The following CTNND2 variants were observed in gnomAD, a reference collection of about 807,000 sequenced individuals.
CTNND2 encodes catenin delta 2.
Under a neutral mutation model 144.4 loss-of-function variants are expected in CTNND2, and 22 were observed. That is an observed-to-expected ratio of 0.15 (90% CI 0.11 to 0.22). The LOEUF is 0.22. Ranked by LOEUF, CTNND2 falls within the 10% of genes least tolerant of loss-of-function variation. The probability of loss-of-function intolerance (pLI) is 1.00; values close to 1 mark genes in which losing one functional copy is unlikely to be tolerated. For missense variants in CTNND2, 1,353 were observed against 1,618.8 expected, an observed-to-expected ratio of 0.84 and a Z score of 2.82; for synonymous variants, 751 against 695.6, an observed-to-expected ratio of 1.08 and a Z score of -1.25.
Position 11,653,808 on chromosome 5 carries a change from T to C in CTNND2, c.174+78328A>G, listed in dbSNP as rs1212562784. Among the ~76,000 whole-genome samples, 2 of 151,936 alleles carry C rather than the reference T, an allele frequency of 1.3e-5. 1 individual carries two copies. The highest frequency in any genetic ancestry group is 4.8e-5 in the African/African-American group (2 of 41,412). ...TGATTTGGGAGTCATATTCACAAAA[T>C]CACTGCCAAGATCAATGTTAAGGAG... On this transcript the variant is annotated intron_variant, in intron 2 of 21. Transcript: ENST00000304623.
At chr5:11,489,602 G>C (rs997798739) in intron 3 of CTNND2, among the ~76,000 whole-genome samples, 1 of 152,156 alleles carries the variant, frequency 6.6e-6, no homozygotes, top group Admixed American at 6.5e-5. Context: ...AGCAGAATGG[G>C]TTGGGAGATG....
At chr5:11,346,674 A>G in intron 8 of CTNND2, 47 bp from the exon 9 acceptor site, 1 of 1,418,950 alleles carries the variant, frequency 7.0e-7, no homozygotes, top group South Asian at 1.6e-5. Context: ...GGACCTGCTC[A>G]CAGAAATGGT....
In CTNND2 at chr5:11,182,008, G is replaced by A. The variant is rs567069521; in HGVS notation, c.1975+17440C>T. 6.7e-4 allele frequency among the ~76,000 whole-genome samples: 61 copies of A among 90,554 alleles called. 1 individual carries two copies. Among genetic ancestry groups the A allele is most frequent in the Non-Finnish European group, 4.3e-5 (2 of 46,098 alleles). 59.4% of individuals were successfully genotyped at this position (90,554 alleles called of 152,430 possible). On this transcript the variant is annotated intron_variant, in intron 11 of 21. Transcript: ENST00000304623. ...GTGTGTAGTATGTGTGTGGTGTGTGGGTGTGTGTGGCGTGTGTGATGTATG... is the reference window on the plus strand; with the variant it reads ...GTGTGTAGTATGTGTGTGGTGTGTGAGTGTGTGTGGCGTGTGTGATGTATG...
rs1765059473 is a variant in CTNND2 at position 11,448,760 on chromosome 5, C to T, written c.288-36691G>A. On this transcript the variant is annotated intron_variant, in intron 3 of 21. Transcript: ENST00000304623. Reference sequence around the variant, plus strand: ...CTCAGCTCACTGCAACCTCTGACTCCTGGGATCAAGTGATCCTTCCACCTC... The same window carrying T: ...CTCAGCTCACTGCAACCTCTGACTCTTGGGATCAAGTGATCCTTCCACCTC... 1.3e-5 allele frequency among the ~76,000 whole-genome samples: 2 copies of T among 152,136 alleles called. 1 individual carries two copies. The highest frequency in any genetic ancestry group is 4.1e-4 in the South Asian group (2 of 4,826).
At chr5:11,719,489 T>C (rs1320068338) in intron 2 of CTNND2, among the ~76,000 whole-genome samples, 7 of 152,202 alleles carry the variant, frequency 4.6e-5, no homozygotes, top group Admixed American at 3.3e-4. Flanking sequence ...TCTGTTGTTA[T>C]AGATACTACA....
At chr5:11,511,160 T>A (rs2150025336) in intron 3 of CTNND2, among the ~76,000 whole-genome samples, 1 of 152,360 alleles carries the variant, frequency 6.6e-6, no homozygotes, top group South Asian at 2.1e-4. Flanking sequence ...TTTCAAGGAA[T>A]CATTACTCTC....
intron 2 of CTNND2, among the ~76,000 whole-genome samples, chr5:11,662,850 G>A (rs952322057): frequency 3.3e-5 from 5 of 152,048 alleles, no homozygotes; most frequent in Non-Finnish European, 5.9e-5. Context: ...ACTGTCTTCC[G>A]CAAAACTGGG....
intron 3 of CTNND2, among the ~76,000 whole-genome samples, chr5:11,448,218 G>A (rs561471358): frequency 6.6e-6 from 1 of 152,302 alleles, no homozygotes; most frequent in Admixed American, 6.5e-5. Context: ...ATGAGAATGT[G>A]TAACTTTGGT....
At chr5:11,610,983 C>T (rs1206414407) in intron 2 of CTNND2, among the ~76,000 whole-genome samples, 1 of 152,130 alleles carries the variant, frequency 6.6e-6, no homozygotes, top group East Asian at 1.9e-4. Flanking sequence ...TATGGTTTGG[C>T]TGTGTCCCCA....
chr5:11,346,688 C>A (rs190776891), intron 8 of CTNND2, 61 bp from the exon 9 acceptor site: 4 of 1,403,076 alleles, frequency 2.9e-6, no homozygotes, highest in East Asian at 5.3e-5. Context: ...AAATGGTTAA[C>A]CAGGTCTAGG....
intron 2 of CTNND2, among the ~76,000 whole-genome samples, chr5:11,648,761 C>A (rs1040093152): frequency 6.6e-6 from 1 of 152,126 alleles, no homozygotes; most frequent in African/African-American, 2.4e-5. Flanking sequence ...CCAATTCCAC[C>A]ATGACACTCA....
chr5:11,332,631 A>C (rs1266593070), intron 9 of CTNND2, among the ~76,000 whole-genome samples: 2 of 152,064 alleles, frequency 1.3e-5, no homozygotes, highest in Non-Finnish European at 2.9e-5. Context: ...CCCATTACAC[A>C]CTTCTCATTT....
At chr5:11,750,365 T>C (rs1307607608) in intron 1 of CTNND2, among the ~76,000 whole-genome samples, 1 of 151,916 alleles carries the variant, frequency 6.6e-6, no homozygotes, top group African/African-American at 2.4e-5. Context: ...AGAGTAACTA[T>C]GTGGAAGAGG....
intron 1 of CTNND2, among the ~76,000 whole-genome samples, chr5:11,816,324 C>G (rs75523648): frequency 0.011 from 1,641 of 152,080 alleles, 38 homozygotes; most frequent in African/African-American, 0.037. Flanking sequence ...GATCCTGTCC[C>G]CAAGGGCTAC....
At chr5:11,291,599 A>C (rs1213065733) in intron 9 of CTNND2, among the ~76,000 whole-genome samples, 1 of 152,136 alleles carries the variant, frequency 6.6e-6, no homozygotes, top group Non-Finnish European at 1.5e-5. Context: ...AACTAAACTT[A>C]AAGAAAAGAA....
chr5:11,465,269 T>C (rs2149942449), intron 3 of CTNND2, among the ~76,000 whole-genome samples: 1 of 152,204 alleles, frequency 6.6e-6, no homozygotes, highest in African/African-American at 2.4e-5. Flanking sequence ...TCCAGAGTTT[T>C]CCTTGAAATA....
intron 1 of CTNND2, among the ~76,000 whole-genome samples, chr5:11,763,790 A>C (rs901604551): frequency 1.3e-5 from 2 of 152,104 alleles, no homozygotes; most frequent in African/African-American, 4.8e-5. Flanking sequence ...GTTTTGGTTG[A>C]TCAGTAGCTG....
At chr5:11,714,636 G>A (rs1786245426) in intron 2 of CTNND2, among the ~76,000 whole-genome samples, 1 of 152,096 alleles carries the variant, frequency 6.6e-6, no homozygotes, top group African/African-American at 2.4e-5. Flanking sequence ...GCCTGGCGCA[G>A]TGGTTCACAC....
intron 2 of CTNND2, among the ~76,000 whole-genome samples, chr5:11,684,699 C>CT (rs571548304): frequency 1.9e-4 from 29 of 152,244 alleles, no homozygotes; most frequent in Middle Eastern, 3.4e-3. Context: ...TGCTGTAGTG[C>CT]TTTTTTACTA....
Sources: gnomAD v4.1 joint callset for allele counts (sites outside exome capture counted in the v4.1 genomes callset) on GRCh38, gnomAD v4.1.1 for gene constraint, MANE v1.5 for transcripts, NCBI Gene and HGNC (gene_info 2026-07-23, HGNC 2026-07-21) for gene names.